The following EFNA5 variants were observed in gnomAD, a reference collection of about 807,000 sequenced individuals.
EFNA5 encodes the protein ephrin-A5.
A neutral mutation model predicts 22.9 loss-of-function variants in EFNA5; 5 were observed. That is an observed-to-expected ratio of 0.22 (90% CI 0.11 to 0.46). EFNA5 has a LOEUF of 0.46. EFNA5 is among the 20% of genes least tolerant of loss of function. EFNA5 has a pLI of 0.99. For synonymous variants in EFNA5, 113 were observed against 112.2 expected (o/e 1.01, Z -0.04); for missense variants, 237 against 293.3 (o/e 0.81, Z 1.40).
intron 1 of EFNA5, among the ~76,000 whole-genome samples, chr5:107,500,915 AG>A (rs1280502827): frequency 6.6e-6 from 1 of 151,804 alleles, no homozygotes; most frequent in Non-Finnish European, 1.5e-5. Flanking sequence ...CATTTCAGCC[AG>A]GATTGTTCAT....
chr5:107,385,180 A>T (rs76212120), intron 4 of EFNA5, among the ~76,000 whole-genome samples: 7 of 151,968 alleles, frequency 4.6e-5, no homozygotes, highest in Admixed American at 6.6e-5. Context: ...ATGCTTAGTG[A>T]AAAAAAACCT....
At chr5:107,537,808 T>C (rs968899235) in intron 1 of EFNA5, among the ~76,000 whole-genome samples, 1 of 152,186 alleles carries the variant, frequency 6.6e-6, no homozygotes, top group Non-Finnish European at 1.5e-5. Context: ...AACATCACGC[T>C]AATTACTGTG....
At chr5:107,627,970 A>T (rs2112533919) in intron 1 of EFNA5, among the ~76,000 whole-genome samples, 1 of 152,332 alleles carries the variant, frequency 6.6e-6, no homozygotes, top group African/African-American at 2.4e-5. Flanking sequence ...AAGCATCAAG[A>T]TTAACTAGGC....
rs539778563 is a variant in EFNA5, at chr5:107,433,446, G to A, written c.126-5937C>T. ...ACCTGGAGCATTGGATAAAAAGCACGTATCTAGGGCTATTGACAGCAAAAG... is the reference window on the plus strand; with the variant it reads ...ACCTGGAGCATTGGATAAAAAGCACATATCTAGGGCTATTGACAGCAAAAG... On this transcript the variant is annotated intron_variant, in intron 1 of 4. Transcript: ENST00000333274. 5.3e-5 allele frequency among the ~76,000 whole-genome samples: 8 copies of A among 152,302 alleles called. No individual in the cohort carries two copies. In the South Asian group the frequency reaches 8.3e-4, roughly 16 times the overall value.
At chr5:107,455,013 C>T (rs1384387675) in intron 1 of EFNA5, among the ~76,000 whole-genome samples, 1 of 152,112 alleles carries the variant, frequency 6.6e-6, no homozygotes, top group Admixed American at 6.6e-5. Context: ...TGTGATAACA[C>T]TAAATGCAGA....
Position 107,512,467 on chromosome 5 carries a change from C to G in EFNA5, c.126-84958G>C, listed in dbSNP as rs139072699. On this transcript the variant is annotated intron_variant, in intron 1 of 4. Transcript: ENST00000333274. ...ACTCTAGCCTGTTTTTTTTTACCTT[C>G]TAGGAGGTTTACAGTTCTTGTAGGC... Among the ~76,000 whole-genome samples the G allele has an allele frequency of 4.3e-3, 656 of 151,826 alleles. 6 individuals carry two copies. The highest frequency in any genetic ancestry group is 0.014 in the African/African-American group (584 of 41,402).
chr5:107,409,914 A>G (rs1748315990), intron 2 of EFNA5, among the ~76,000 whole-genome samples: 1 of 152,188 alleles, frequency 6.6e-6, no homozygotes, highest in South Asian at 2.1e-4. Flanking sequence ...TTGTTCTCAC[A>G]TTTTGGATCT....
At chr5:107,611,190 C>A (rs558570892) in intron 1 of EFNA5, among the ~76,000 whole-genome samples, 3 of 151,958 alleles carry the variant, frequency 2.0e-5, no homozygotes, top group Admixed American at 6.6e-5. Context: ...CCAGAGCCCA[C>A]CGACAAAAAT....
In EFNA5 at chr5:107,556,018, T is replaced by G. The variant is rs1748404079; in HGVS notation, c.125+114471A>C. 2.6e-5 allele frequency among the ~76,000 whole-genome samples: 4 copies of G among 152,210 alleles called. No individual in the cohort carries two copies. In the South Asian group the frequency reaches 8.3e-4, roughly 32 times the overall value. ...CTGGACACATTCATGATTTCCCTTC[T>G]TCACACCTTGTGCCCCTCCAAAATA... is the stretch of plus-strand genomic sequence containing the variant. On this transcript the variant is annotated intron_variant, in intron 1 of 4. Coordinates refer to ENST00000333274, the MANE Select transcript of EFNA5 (RefSeq NM_001962.3).
chr5:107,504,455 T>A (rs32004), intron 1 of EFNA5, among the ~76,000 whole-genome samples: 89,969 of 152,076 alleles, frequency 0.59, 28,320 homozygotes, highest in African/African-American at 0.81. Flanking sequence ...TCTTCTCTAT[T>A]TGGAGCTTTA....
At chr5:107,490,649 C>T (rs1746778939) in intron 1 of EFNA5, among the ~76,000 whole-genome samples, 1 of 152,164 alleles carries the variant, frequency 6.6e-6, no homozygotes, top group South Asian at 2.1e-4. Flanking sequence ...ATGAGAGTTC[C>T]TTTGGCAGGG....
intron 1 of EFNA5, among the ~76,000 whole-genome samples, chr5:107,524,255 T>A (rs1747652562): frequency 6.6e-6 from 1 of 152,162 alleles, no homozygotes; most frequent in African/African-American, 2.4e-5. Flanking sequence ...GAGCAAAAAA[T>A]TCACTGGAAG....
chr5:107,436,503 G>A (rs1425465018), intron 1 of EFNA5, among the ~76,000 whole-genome samples: 1 of 152,192 alleles, frequency 6.6e-6, no homozygotes, highest in Non-Finnish European at 1.5e-5. Flanking sequence ...TAAAGAAATA[G>A]TTAATGTCTG....
intron 1 of EFNA5, among the ~76,000 whole-genome samples, chr5:107,439,283 G>A (rs145102363): frequency 2.1e-4 from 32 of 152,242 alleles, no homozygotes; most frequent in Admixed American, 1.4e-3. Context: ...GCCCCCCACC[G>A]GAAATCAACT....
chr5:107,479,510 T>C (rs980050202), intron 1 of EFNA5, among the ~76,000 whole-genome samples: 1 of 151,086 alleles, frequency 6.6e-6, no homozygotes, highest in Non-Finnish European at 1.5e-5. Flanking sequence ...GGCCAACAAG[T>C]GATTTACTGT....
In EFNA5 at chr5:107,385,792, G is replaced by C. The variant is rs1244366875; in HGVS notation, c.565+1443C>G. ...TTAAGAAGCCAAAGTCATGGCTCCA[G>C]ATTTCCAGGACACAATTAAAATGCC... On this transcript the variant is annotated intron_variant, in intron 4 of 4. Coordinates refer to ENST00000333274, the MANE Select transcript of EFNA5 (RefSeq NM_001962.3). 2.0e-5 allele frequency among the ~76,000 whole-genome samples: 3 copies of C among 152,148 alleles called. No homozygotes were observed. The East Asian group carries it at 5.8e-4, about 29-fold the overall frequency.
At chr5:107,455,325 C>T (rs1042599389) in intron 1 of EFNA5, among the ~76,000 whole-genome samples, 2 of 152,174 alleles carry the variant, frequency 1.3e-5, no homozygotes, top group Non-Finnish European at 2.9e-5. Flanking sequence ...GCATTCTCTA[C>T]TCCCCCTCTT....
intron 1 of EFNA5, among the ~76,000 whole-genome samples, chr5:107,637,401 A>G (rs1750395427): frequency 6.6e-6 from 1 of 152,054 alleles, no homozygotes; most frequent in African/African-American, 2.4e-5. Flanking sequence ...CTAACCCTCA[A>G]TTCATTGGAG....
chr5:107,410,020 T>C (rs1225832926), intron 2 of EFNA5, among the ~76,000 whole-genome samples: 1 of 126,320 alleles, frequency 7.9e-6, no homozygotes, highest in Non-Finnish European at 1.6e-5. Context: ...AGTGACATGA[T>C]TCTTTTTTTT....
Sources: gnomAD v4.1 joint callset for allele counts (sites outside exome capture counted in the v4.1 genomes callset) on GRCh38, gnomAD v4.1.1 for gene constraint, MANE v1.5 for transcripts, NCBI Gene and HGNC (gene_info 2026-07-23, HGNC 2026-07-21) for gene names.